FBXW10B: variants seen among roughly 807,000 people sequenced by gnomAD.
The protein encoded by FBXW10B is F-box and WD repeat domain containing 10B, also known as F-box and WD repeat domain containing protein 10B.
the FBXW10B span, chr17:15,574,029 G>T: frequency 7.7e-6 from 5 of 652,948 alleles, no homozygotes; most frequent in Middle Eastern, 7.7e-4. Flanking sequence ...GCCAGCAGTC[G>T]CCAGGTGTCT....
chr17:15,573,523 T>G, the FBXW10B span: 2 of 152,438 alleles, frequency 1.3e-5, no homozygotes, highest in African/African-American at 4.8e-5. Flanking sequence ...TTCCATGTAC[T>G]TTATGGATGA....
chr17:15,585,943 CT>C, the FBXW10B span, among the ~76,000 whole-genome samples: 1,445 of 137,098 alleles, frequency 0.011, 8 homozygotes, highest in Admixed American at 0.02. Flanking sequence ...TCATTTTCTT[CT>C]TTTTTTTTTT....
the FBXW10B span, among the ~76,000 whole-genome samples, chr17:15,596,933 A>G: frequency 6.6e-6 from 1 of 152,158 alleles, no homozygotes; most frequent in Non-Finnish European, 1.5e-5. Context: ...CTTAGCCTTG[A>G]GGCCCAAGTG....
At chr17:15,567,844 CTT>C in the FBXW10B span, among the ~76,000 whole-genome samples, 111 of 152,248 alleles carry the variant, frequency 7.3e-4, no homozygotes, top group African/African-American at 2.6e-3. Flanking sequence ...ATTTGAATGT[CTT>C]TTTAAAATTT....
the FBXW10B span, among the ~76,000 whole-genome samples, chr17:15,606,643 G>GTA: frequency 8.2e-4 from 117 of 142,140 alleles, no homozygotes; most frequent in Middle Eastern, 3.3e-3. Context: ...ATGTATATGT[G>GTA]TATATATATA....
At chr17:15,605,851 A>G in the FBXW10B span, among the ~76,000 whole-genome samples, 3 of 146,958 alleles carry the variant, frequency 2.0e-5, no homozygotes, top group Admixed American at 1.4e-4. Context: ...GTGACCATAT[A>G]TTAGGTTCAA....
At chr17:15,587,985 C>A in the FBXW10B span, among the ~76,000 whole-genome samples, 2 of 152,174 alleles carry the variant, frequency 1.3e-5, no homozygotes, top group African/African-American at 4.8e-5. Flanking sequence ...AATAAACATG[C>A]ATATAAGCAG....
the FBXW10B span, among the ~76,000 whole-genome samples, chr17:15,602,632 T>C: frequency 2.5e-4 from 22 of 88,360 alleles, no homozygotes; most frequent in African/African-American, 7.0e-4. Context: ...GAGTTTTTTT[T>C]TTTTTTTTTT....
chr17:15,609,721 A>G, the FBXW10B span, among the ~76,000 whole-genome samples: 3 of 151,546 alleles, frequency 2.0e-5, no homozygotes, highest in Non-Finnish European at 4.4e-5. Context: ...ATTACTCACC[A>G]CCCTGAGAAG....
At chr17:15,596,390 C>G in the FBXW10B span, 2,754 of 1,327,094 alleles carry the variant, frequency 2.1e-3, 62 homozygotes, top group African/African-American at 0.038. Context: ...TTTAGAGCTT[C>G]AGGACTGTCC....
chr17:15,588,857 T>C, the FBXW10B span: 2 of 1,614,044 alleles, frequency 1.2e-6, no homozygotes, highest in Non-Finnish European at 1.7e-6. Flanking sequence ...TCCAGCCCGT[T>C]GCTAGCTGTG....
At chr17:15,604,769 C>A in the FBXW10B span, among the ~76,000 whole-genome samples, 3 of 152,088 alleles carry the variant, frequency 2.0e-5, no homozygotes, top group Admixed American at 2.0e-4. Context: ...GATCTCCTGA[C>A]CTCGTGACCC....
chr17:15,596,332 G>A, the FBXW10B span: 1 of 439,838 alleles, frequency 2.3e-6, no homozygotes, highest in South Asian at 9.5e-5. Flanking sequence ...GGGCGGTGGA[G>A]CCCCTACCCT....
chr17:15,576,232 T>G, the FBXW10B span, among the ~76,000 whole-genome samples: 1 of 152,244 alleles, frequency 6.6e-6, no homozygotes, highest in Admixed American at 6.5e-5. Context: ...TTAATATTTC[T>G]TAAGGACGTC....
chr17:15,583,311 C>A, the FBXW10B span, among the ~76,000 whole-genome samples: 1 of 131,850 alleles, frequency 7.6e-6, no homozygotes, highest in Non-Finnish European at 1.6e-5. Flanking sequence ...CCATCTCCCA[C>A]CCATCCATCG....
At chr17:15,614,127 T>C in the FBXW10B span, 6 of 1,430,748 alleles carry the variant, frequency 4.2e-6, no homozygotes, top group Non-Finnish European at 4.8e-6. Flanking sequence ...TCCCACAAAA[T>C]AAACCTCCTC....
the FBXW10B span, among the ~76,000 whole-genome samples, chr17:15,603,685 T>A: frequency 1.3e-5 from 2 of 150,580 alleles, no homozygotes; most frequent in African/African-American, 4.9e-5. Context: ...GAAATTCCCA[T>A]ACTAAGAATA....
At chr17:15,582,033 C>A in the FBXW10B span, among the ~76,000 whole-genome samples, 1 of 151,986 alleles carries the variant, frequency 6.6e-6, no homozygotes, top group African/African-American at 2.4e-5. Context: ...ACATATTTCA[C>A]AAAAAATTTA....
At chr17:15,584,968 CTT>C in the FBXW10B span, among the ~76,000 whole-genome samples, 16 of 125,912 alleles carry the variant, frequency 1.3e-4, no homozygotes, top group African/African-American at 1.8e-4. Context: ...CCTTCTTCTT[CTT>C]TTTTTTTTTT....
Sources: allele counts gnomAD v4.1 joint callset (sites outside exome capture counted in the v4.1 genomes callset), GRCh38; gene constraint gnomAD v4.1.1; transcripts MANE v1.5; gene names NCBI Gene and HGNC (gene_info 2026-07-23, HGNC 2026-07-21).